The following ROBO1 variants were observed in gnomAD, a reference collection of about 807,000 sequenced individuals.
ROBO1 encodes the protein roundabout homolog 1.
In ROBO1, 149 loss-of-function variants were observed where a neutral mutation model predicts 195.9. That is an observed-to-expected ratio of 0.76 (90% CI 0.67 to 0.87). The LOEUF (loss-of-function observed/expected upper bound fraction) is 0.87, where lower values mean the gene tolerates loss of function less well. Among genes scored for constraint, ROBO1 ranks in the 40% least tolerant of loss-of-function variants. The probability of loss-of-function intolerance (pLI) is 0.00; values close to 1 mark genes in which losing one functional copy is unlikely to be tolerated. For synonymous variants in ROBO1, 816 were observed against 733.2 expected (o/e 1.11, Z -1.82); for missense variants, 1,933 against 2,068.3 (o/e 0.93, Z 1.27).
rs565730333 is a variant in ROBO1 at position 79,588,077 on chromosome 3, C to T, written c.88+1747G>A. On this transcript the variant is annotated intron_variant, in intron 2 of 30. Transcript: ENST00000464233. ...ATGGGCCCTGAGTAATCAATTTGTG[C>T]GGTGAATTTTTTAACTAACTGATAA... 1.1e-4 allele frequency among the ~76,000 whole-genome samples: 17 copies of T among 151,622 alleles called. 1 individual carries two copies. In the East Asian group the frequency reaches 2.7e-3, roughly 24 times the overall value.
rs552527128 is a variant in ROBO1 at position 79,183,093 on chromosome 3, A to G, written c.89-57554T>C. On this transcript the variant is annotated intron_variant, in intron 2 of 30. Coordinates refer to ENST00000464233, the MANE Select transcript of ROBO1 (RefSeq NM_002941.4). Reference sequence around the variant, plus strand: ...GAGACTCCAACTCAAAAAAAAAAAAAAAAAGATACATAGAGAGAAATTAAT... The same window carrying G: ...GAGACTCCAACTCAAAAAAAAAAAAGAAAAGATACATAGAGAGAAATTAAT... Among the ~76,000 whole-genome samples the G allele has an allele frequency of 1.1e-4, 16 of 152,102 alleles. No individual in the cohort carries two copies. The South Asian group carries it at 2.9e-3, about 28-fold the overall frequency.
intron 3 of ROBO1, among the ~76,000 whole-genome samples, chr3:78,944,303 A>C (rs1328324188): frequency 6.6e-6 from 1 of 152,260 alleles, no homozygotes; most frequent in Non-Finnish European, 1.5e-5. Flanking sequence ...GGAGGTGTTC[A>C]CTTTGCACTT....
At chr3:78,948,676 A>T (rs2040593654) in intron 3 of ROBO1, among the ~76,000 whole-genome samples, 1 of 152,210 alleles carries the variant, frequency 6.6e-6, no homozygotes, top group Admixed American at 6.5e-5. Context: ...GCAATCAGGC[A>T]GGAGAAGGAA....
intron 3 of ROBO1, among the ~76,000 whole-genome samples, chr3:79,084,782 A>G (rs1317547205): frequency 6.6e-6 from 1 of 152,200 alleles, no homozygotes; most frequent in African/African-American, 2.4e-5. Context: ...AAACATGTTC[A>G]GGTCCCAAGA....
intron 2 of ROBO1, among the ~76,000 whole-genome samples, chr3:79,218,122 T>C (rs1425407262): frequency 6.6e-6 from 1 of 152,018 alleles, no homozygotes; most frequent in Non-Finnish European, 1.5e-5. Context: ...AAGTTTTATC[T>C]TGTGAAACTT....
chr3:79,437,001 G>C lies in ROBO1; in HGVS notation c.88+152823C>G, dbSNP rs1207719169. ...ATTTTCTTATTCTGGATTCTTGATT[G>C]TTGCCTTTTTGCAAAGAAATTAATT... On this transcript the variant is annotated intron_variant, in intron 2 of 30. Coordinates refer to ENST00000464233, the MANE Select transcript of ROBO1 (RefSeq NM_002941.4). 3.3e-5 allele frequency among the ~76,000 whole-genome samples: 5 copies of C among 152,016 alleles called. No individual in the cohort carries two copies. The South Asian group carries it at 1.0e-3, about 31-fold the overall frequency.
At chr3:79,073,665 G>T (rs1445399543) in intron 3 of ROBO1, among the ~76,000 whole-genome samples, 1 of 151,752 alleles carries the variant, frequency 6.6e-6, no homozygotes, top group East Asian at 1.9e-4. Context: ...ACTTTGCAGA[G>T]AGCTCAATAA....
chr3:79,592,819 A>G (rs1944046425), intron 1 of ROBO1, among the ~76,000 whole-genome samples: 1 of 152,072 alleles, frequency 6.6e-6, no homozygotes, highest in Non-Finnish European at 1.5e-5. Context: ...ACAAATGTAT[A>G]TGACACATAT....
intron 8 of ROBO1, among the ~76,000 whole-genome samples, chr3:78,707,228 G>A (rs1286122640): frequency 6.6e-6 from 1 of 152,104 alleles, no homozygotes; most frequent in African/African-American, 2.4e-5. Context: ...AGACACTCTA[G>A]GAAGCATCCC....
Position 79,683,916 on chromosome 3 carries a change from T to C in ROBO1, c.-51+83836A>G, listed in dbSNP as rs150322389. On this transcript the variant is annotated intron_variant, in intron 1 of 30. Coordinates refer to ENST00000464233, the MANE Select transcript of ROBO1 (RefSeq NM_002941.4). ...AATAATACTCTTATGAATATTCCCGTACACGTTTTTGAGTGGACACATGCT... is the reference window on the plus strand; with the variant it reads ...AATAATACTCTTATGAATATTCCCGCACACGTTTTTGAGTGGACACATGCT... 4.6e-5 allele frequency among the ~76,000 whole-genome samples: 7 copies of C among 152,274 alleles called. No individual in the cohort carries two copies. The East Asian group carries it at 1.2e-3, about 25-fold the overall frequency.
Position 79,481,895 on chromosome 3 carries a change from A to G in ROBO1, c.88+107929T>C, listed in dbSNP as rs529805973. Among the ~76,000 whole-genome samples the G allele has an allele frequency of 4.8e-4, 73 of 152,320 alleles. No homozygotes were observed. In the South Asian group the frequency reaches 0.014, roughly 30 times the overall value. ...AATAATAAAAATTATGTGAAACAAG[A>G]GATTTACAGAAATGGAAAATAAACT... is the stretch of plus-strand genomic sequence containing the variant. On this transcript the variant is annotated intron_variant, in intron 2 of 30. Coordinates refer to ENST00000464233, the MANE Select transcript of ROBO1 (RefSeq NM_002941.4).
At position 78,689,547 on chromosome 3, in the gene ROBO1, T is replaced by C. The variant is rs182937315; in HGVS notation, c.1046-775A>G. 3.9e-5 allele frequency among the ~76,000 whole-genome samples: 6 copies of C among 152,214 alleles called. No individual in the cohort carries two copies. The East Asian group carries it at 7.7e-4, about 20-fold the overall frequency. ...TGGGAAAAAAAAAAAAGGTATTTGT[T>C]TTTGGGCTGAGCTTTGTGCTCGGAA... On this transcript the variant is annotated intron_variant, in intron 8 of 30. Transcript: ENST00000464233.
At chr3:79,020,016 A>G (rs2078065946) in intron 3 of ROBO1, among the ~76,000 whole-genome samples, 1 of 152,208 alleles carries the variant, frequency 6.6e-6, no homozygotes. Flanking sequence ...TCCAAATCAT[A>G]AGGCACAGGG....
intron 7 of ROBO1, among the ~76,000 whole-genome samples, chr3:78,716,808 C>T (rs2081914176): frequency 1.3e-5 from 2 of 152,140 alleles, no homozygotes; most frequent in Non-Finnish European, 2.9e-5. Flanking sequence ...TCGTGCATCT[C>T]TGCTCCTGGC....
intron 1 of ROBO1, among the ~76,000 whole-genome samples, chr3:79,592,568 A>G (rs565467107): frequency 1.3e-5 from 2 of 152,080 alleles, no homozygotes; most frequent in African/African-American, 4.8e-5. Flanking sequence ...CAGTAGCTTT[A>G]GGTTTAGAGA....
intron 2 of ROBO1, among the ~76,000 whole-genome samples, chr3:79,261,530 T>C (rs1003482594): frequency 1.3e-5 from 2 of 152,026 alleles, no homozygotes; most frequent in Non-Finnish European, 2.9e-5. Flanking sequence ...TGAAATTAAA[T>C]TGTGAGTATA....
intron 4 of ROBO1, among the ~76,000 whole-genome samples, chr3:78,885,388 C>T (rs920720949): frequency 9.2e-5 from 11 of 118,924 alleles, no homozygotes; most frequent in African/African-American, 3.4e-4. Flanking sequence ...AACAAACCTG[C>T]ACTTGTAACC....
At chr3:78,833,194 T>C (rs2032387552) in intron 4 of ROBO1, among the ~76,000 whole-genome samples, 2 of 151,822 alleles carry the variant, frequency 1.3e-5, no homozygotes, top group Admixed American at 6.6e-5. Context: ...AAGGGCTCAA[T>C]GCACGGCAAT....
At chr3:79,338,257 A>G (rs977844883) in intron 2 of ROBO1, among the ~76,000 whole-genome samples, 1 of 152,206 alleles carries the variant, frequency 6.6e-6, no homozygotes, top group African/African-American at 2.4e-5. Context: ...GACTATCTTT[A>G]AATATTGCAT....
Sources: gnomAD v4.1 joint callset for allele counts (sites outside exome capture counted in the v4.1 genomes callset) on GRCh38, gnomAD v4.1.1 for gene constraint, MANE v1.5 for transcripts, NCBI Gene and HGNC (gene_info 2026-07-23, HGNC 2026-07-21) for gene names.